Variants in ZNG1B observed in about 807,000 individuals in gnomAD.
ZNG1B encodes Zn regulated GTPase metalloprotein activator 1B, also known as zinc-regulated GTPase metalloprotein activator 1B.
the ZNG1B span, among the ~76,000 whole-genome samples, chr2:113,449,079 A>G: frequency 6.6e-6 from 1 of 151,400 alleles, no homozygotes; most frequent in Non-Finnish European, 1.5e-5. Context: ...TTGTGAACCA[A>G]CCTCTGCTAC....
At chr2:113,478,689 A>G in the ZNG1B span, among the ~76,000 whole-genome samples, 1 of 151,626 alleles carries the variant, frequency 6.6e-6, no homozygotes. Flanking sequence ...TCACATTTTG[A>G]AAACAATACC....
the ZNG1B span, chr2:113,455,676 A>T: frequency 1.6e-6 from 2 of 1,269,458 alleles, no homozygotes; most frequent in Non-Finnish European, 2.1e-6. Flanking sequence ...TCAGTGTTTA[A>T]AAATTAGTGT....
chr2:113,446,035 G>C, the ZNG1B span, among the ~76,000 whole-genome samples: 1 of 151,200 alleles, frequency 6.6e-6, no homozygotes, highest in African/African-American at 2.4e-5. Context: ...AGTAGGCATG[G>C]GTTTTCATAC....
At chr2:113,484,249 T>C in the ZNG1B span, among the ~76,000 whole-genome samples, 2 of 145,334 alleles carry the variant, frequency 1.4e-5, no homozygotes, top group Non-Finnish European at 3.0e-5. Flanking sequence ...AACAGTATGA[T>C]CTAATAATAA....
At chr2:113,443,106 C>T in the ZNG1B span, among the ~76,000 whole-genome samples, 1 of 151,772 alleles carries the variant, frequency 6.6e-6, no homozygotes, top group African/African-American at 2.4e-5. Flanking sequence ...GTAGCTGGGA[C>T]TACAGGCGCC....
the ZNG1B span, among the ~76,000 whole-genome samples, chr2:113,478,231 T>G: frequency 6.6e-6 from 1 of 152,170 alleles, no homozygotes; most frequent in South Asian, 2.1e-4. Context: ...TGGGTGGCTC[T>G]ACATTTGAGA....
the ZNG1B span, among the ~76,000 whole-genome samples, chr2:113,473,971 G>A: frequency 1.0e-3 from 154 of 149,672 alleles, 1 homozygote; most frequent in African/African-American, 3.6e-3. Flanking sequence ...GTCTCTGCCC[G>A]GCTTTGGTAT....
chr2:113,457,108 G>T, the ZNG1B span: 2 of 454,758 alleles, frequency 4.4e-6, no homozygotes, highest in South Asian at 3.1e-5. Flanking sequence ...CTATTCTGAG[G>T]ACTTGACACC....
At chr2:113,438,396 A>C in the ZNG1B span, among the ~76,000 whole-genome samples, 3 of 152,060 alleles carry the variant, frequency 2.0e-5, no homozygotes, top group Admixed American at 6.5e-5. Context: ...CAGGGCCGGA[A>C]CCACCTACCT....
chr2:113,445,753 T>G, the ZNG1B span, among the ~76,000 whole-genome samples: 5,411 of 137,598 alleles, frequency 0.039, 321 homozygotes, highest in African/African-American at 0.14. Flanking sequence ...TGCATAAAAG[T>G]TAGTGCTTAT....
chr2:113,460,633 T>C, the ZNG1B span: 20 of 1,566,948 alleles, frequency 1.3e-5, no homozygotes, highest in African/African-American at 4.1e-5. Flanking sequence ...AGATTTTTTA[T>C]TGTATTATAG....
chr2:113,470,313 G>A, the ZNG1B span: 1 of 151,792 alleles, frequency 6.6e-6, no homozygotes, highest in Non-Finnish European at 1.5e-5. Flanking sequence ...TGGTTTTCTG[G>A]GCTTATGTTA....
the ZNG1B span, among the ~76,000 whole-genome samples, chr2:113,486,022 A>G: frequency 1.4e-5 from 2 of 140,042 alleles, no homozygotes; most frequent in African/African-American, 2.8e-5. Context: ...ACTGGAAAAA[A>G]AAAGTCTGAA....
the ZNG1B span, chr2:113,444,940 A>C: frequency 3.7e-6 from 6 of 1,608,634 alleles, no homozygotes; most frequent in Non-Finnish European, 5.1e-6. Flanking sequence ...AATTAACTGT[A>C]AATGATGTTT....
the ZNG1B span, chr2:113,453,190 A>G: frequency 1.3e-6 from 2 of 1,591,142 alleles, no homozygotes; most frequent in Non-Finnish European, 1.7e-6. Context: ...AGTGATATTT[A>G]CCTTGATGGT....
chr2:113,441,939 C>T, the ZNG1B span, among the ~76,000 whole-genome samples: 1 of 152,130 alleles, frequency 6.6e-6, no homozygotes, highest in South Asian at 2.1e-4. Context: ...AGGGTTTCAC[C>T]ATGTTGGCCA....
the ZNG1B span, among the ~76,000 whole-genome samples, chr2:113,489,492 A>G: frequency 6.6e-6 from 1 of 152,130 alleles, no homozygotes; most frequent in East Asian, 1.9e-4. Context: ...AAATAGCATG[A>G]TGAATAGAGT....
At chr2:113,438,921 C>T in the ZNG1B span, 1 of 1,528,466 alleles carries the variant, frequency 6.5e-7, no homozygotes, top group Non-Finnish European at 8.8e-7. Context: ...GAAATAACTG[C>T]TTTTGTTTTT....
the ZNG1B span, among the ~76,000 whole-genome samples, chr2:113,489,282 C>T: frequency 2.6e-5 from 4 of 151,726 alleles, no homozygotes; most frequent in East Asian, 5.8e-4. Flanking sequence ...AGGCAAGATA[C>T]AGCTTTTTCA....
Sources: allele counts gnomAD v4.1 joint callset (sites outside exome capture counted in the v4.1 genomes callset), GRCh38; gene constraint gnomAD v4.1.1; transcripts MANE v1.5; gene names NCBI Gene and HGNC (gene_info 2026-07-23, HGNC 2026-07-21).